ADAM22: variants seen among roughly 807,000 people sequenced by gnomAD.
The protein encoded by ADAM22 is ADAM metallopeptidase domain 22, also known as disintegrin and metalloproteinase domain-containing protein 22.
Under a neutral mutation model 144.6 loss-of-function variants are expected in ADAM22, and 65 were observed. That is an observed-to-expected ratio of 0.45 (90% CI 0.37 to 0.55). The LOEUF (loss-of-function observed/expected upper bound fraction) is 0.55, where lower values mean the gene tolerates loss of function less well. Ranked by LOEUF, ADAM22 falls within the 20% of genes least tolerant of loss-of-function variation. The probability of loss-of-function intolerance (pLI) is 0.00; values close to 1 mark genes in which losing one functional copy is unlikely to be tolerated. For missense variants in ADAM22, 974 were observed against 1,184.9 expected (o/e 0.82, Z 2.61); for synonymous variants, 391 against 412.6 (o/e 0.95, Z 0.63).
chr7:88,109,629 A>G (rs1410628566), intron 5 of ADAM22, among the ~76,000 whole-genome samples: 1 of 152,042 alleles, frequency 6.6e-6, no homozygotes, highest in Non-Finnish European at 1.5e-5. Context: ...CGATTGAAAC[A>G]CAAGTCCTGG....
chr7:88,080,384 A>T (rs573951614), intron 4 of ADAM22, among the ~76,000 whole-genome samples: 1 of 152,218 alleles, frequency 6.6e-6, no homozygotes, highest in African/African-American at 2.4e-5. Context: ...AATGTCCACA[A>T]GAGAAAGCAG....
chr7:88,116,418 G>C (rs896357075), intron 6 of ADAM22, among the ~76,000 whole-genome samples: 2 of 152,146 alleles, frequency 1.3e-5, no homozygotes, highest in African/African-American at 4.8e-5. Flanking sequence ...GCAGGGATCC[G>C]TGAAAGGAAT....
intron 3 of ADAM22, among the ~76,000 whole-genome samples, chr7:88,039,123 G>A (rs1014230065): frequency 1.3e-4 from 20 of 151,894 alleles, no homozygotes; most frequent in African/African-American, 4.6e-4. Flanking sequence ...TAATCATCAA[G>A]TTTATGAGAA....
At chr7:88,107,062 G>C (rs573337430) in intron 4 of ADAM22, among the ~76,000 whole-genome samples, 13 of 152,054 alleles carry the variant, frequency 8.5e-5, no homozygotes, top group African/African-American at 3.1e-4. Flanking sequence ...CTGTTTATCT[G>C]GTAATCAATA....
intron 22 of ADAM22, among the ~76,000 whole-genome samples, chr7:88,157,371 G>T (rs1162190814): frequency 6.6e-6 from 1 of 152,076 alleles, no homozygotes; most frequent in African/African-American, 2.4e-5. Context: ...AAAGACTTAA[G>T]AATTAAAATG....
At chr7:87,968,262 A>G (rs755905409) in intron 2 of ADAM22, among the ~76,000 whole-genome samples, 47 of 152,194 alleles carry the variant, frequency 3.1e-4, no homozygotes, top group Admixed American at 6.5e-5. Context: ...ACTGTTGGCT[A>G]TACCTTAGAA....
At chr7:88,003,744 C>T (rs965263231) in intron 3 of ADAM22, among the ~76,000 whole-genome samples, 4 of 152,124 alleles carry the variant, frequency 2.6e-5, no homozygotes, top group Admixed American at 1.3e-4. Flanking sequence ...TGAATGGCAA[C>T]TGGTATTTCT....
chr7:88,158,760 T>C (rs1563353654), intron 22 of ADAM22, among the ~76,000 whole-genome samples: 1 of 152,046 alleles, frequency 6.6e-6, no homozygotes, highest in African/African-American at 2.4e-5. Flanking sequence ...GCTAAGGCAG[T>C]GTTAAGAGGG....
At chr7:88,064,931 T>C (rs975041966) in intron 3 of ADAM22, among the ~76,000 whole-genome samples, 2 of 152,090 alleles carry the variant, frequency 1.3e-5, no homozygotes, top group Admixed American at 1.3e-4. Flanking sequence ...CTAGTAATCA[T>C]AGTAATAGTA....
intron 4 of ADAM22, among the ~76,000 whole-genome samples, chr7:88,088,439 T>TA (rs1563191182): frequency 6.7e-6 from 1 of 149,568 alleles, no homozygotes; most frequent in Non-Finnish European, 1.5e-5. Flanking sequence ...TCTTCTTTCT[T>TA]AAAAAAGGGA....
In ADAM22 at chr7:88,170,873, T is replaced by A. The variant is rs548932599; in HGVS notation, c.2283-671T>A. On this transcript the variant is annotated intron_variant, in intron 25 of 31. Coordinates refer to ENST00000413139, the MANE Select transcript of ADAM22 (RefSeq NM_001324418.2). ...TACCACACCCTGTAGAGCAATTTTTTAATAAGATCCACTTAGTTGGAAACT... is the reference window on the plus strand; with the variant it reads ...TACCACACCCTGTAGAGCAATTTTTAAATAAGATCCACTTAGTTGGAAACT... Among the ~76,000 whole-genome samples the A allele has an allele frequency of 2.6e-5, 4 of 152,066 alleles. No homozygotes were observed. The East Asian group carries it at 7.7e-4, about 29-fold the overall frequency.
intron 10 of ADAM22, among the ~76,000 whole-genome samples, chr7:88,130,692 C>T (rs1353827114): frequency 1.3e-5 from 2 of 152,106 alleles, no homozygotes; most frequent in Admixed American, 6.5e-5. Flanking sequence ...CTATGTTTTT[C>T]ACACTGTAAA....
chr7:87,939,960 G>A (rs1435781206), intron 2 of ADAM22, among the ~76,000 whole-genome samples: 3 of 152,042 alleles, frequency 2.0e-5, no homozygotes, highest in Admixed American at 6.6e-5. Flanking sequence ...TTGGGAGGCC[G>A]AGGTAGGTGG....
intron 3 of ADAM22, among the ~76,000 whole-genome samples, chr7:87,996,870 G>A (rs77581200): frequency 0.013 from 2,013 of 152,350 alleles, 26 homozygotes; most frequent in Non-Finnish European, 0.02. Flanking sequence ...TTATCCACTT[G>A]TAAAACAGGA....
chr7:88,081,460 T>C (rs1246283146), intron 4 of ADAM22, among the ~76,000 whole-genome samples: 4 of 152,116 alleles, frequency 2.6e-5, no homozygotes, highest in Non-Finnish European at 4.4e-5. Context: ...TCACCACTCC[T>C]ATTCAACATA....
chr7:87,935,168 C>A lies in ADAM22; in HGVS notation c.228C>A (p.Gly76=), dbSNP rs368185027. The part of the protein sequence containing the change: ...RHDALDTRVR[G]DLGGPQLTHV... ...ACGCGCTCGACACGCGGGTGCGGGG[C>A]GACCTCGGTGGCCCGCAGGTGAGAG... Residue 76 remains glycine (G), a synonymous_variant, in exon 2 of 32, where the codon GGC becomes GGA. Coordinates refer to ENST00000413139, the MANE Select transcript of ADAM22 (RefSeq NM_001324418.2). The A allele has an allele frequency of 6.2e-6, 10 of 1,608,286 alleles. No individual in the cohort carries two copies. The African/African-American group carries it at 1.3e-4, about 21-fold the overall frequency.
At chr7:88,047,715 T>C (rs752879848) in intron 3 of ADAM22, among the ~76,000 whole-genome samples, 31 of 152,178 alleles carry the variant, frequency 2.0e-4, no homozygotes, top group Non-Finnish European at 4.0e-4. Context: ...TTATATGAGT[T>C]TGTAATACAC....
At chr7:87,998,837 A>G (rs1046526829) in intron 3 of ADAM22, among the ~76,000 whole-genome samples, 5 of 152,240 alleles carry the variant, frequency 3.3e-5, no homozygotes, top group African/African-American at 1.2e-4. Flanking sequence ...GTAATACATT[A>G]GACTATTTAT....
intron 2 of ADAM22, among the ~76,000 whole-genome samples, chr7:87,944,308 G>A (rs188234013): frequency 9.9e-5 from 15 of 151,738 alleles, no homozygotes; most frequent in Admixed American, 3.3e-4. Flanking sequence ...ACACAATTTG[G>A]TCATTGCTCA....
Sources: allele counts gnomAD v4.1 joint callset (sites outside exome capture counted in the v4.1 genomes callset), GRCh38; gene constraint gnomAD v4.1.1; transcripts MANE v1.5; gene names NCBI Gene and HGNC (gene_info 2026-07-23, HGNC 2026-07-21).